ITPRID2: variants seen among roughly 807,000 people sequenced by gnomAD.
The protein encoded by ITPRID2 is protein ITPRID2.
In ITPRID2, 60 loss-of-function variants were observed where a neutral mutation model predicts 124.3. The ratio of observed to expected loss-of-function variants is 0.48; its 90% CI spans 0.39 to 0.60. ITPRID2 has a LOEUF of 0.60. Among genes scored for constraint, ITPRID2 ranks in the 20% least tolerant of loss-of-function variants. The pLI is 0.00. For missense variants in ITPRID2, 1,553 were observed against 1,512.2 expected, an observed-to-expected ratio of 1.03 and a Z score of -0.45; for synonymous variants, 521 against 542.9, an observed-to-expected ratio of 0.96 and a Z score of 0.56.
Position 181,928,483 on chromosome 2 carries a change from T to TA in ITPRID2, c.*13+206dup, listed in dbSNP as rs368101595. ...CCCATAATACAAATCTCCAAGGAAT[T>TA]ACTTATATTGGGTCATTCTACTGAA... On this transcript the variant is annotated intron_variant, in intron 17 of 17. Coordinates refer to ENST00000431877, the MANE Select transcript of ITPRID2 (RefSeq NM_001130445.3). Among the ~76,000 whole-genome samples, 6 of 152,346 alleles carry TA rather than the reference T, an allele frequency of 3.9e-5. 1 individual carries two copies. Among genetic ancestry groups the TA allele is most frequent in the African/African-American group, 1.2e-4 (5 of 41,570 alleles).
In ITPRID2 at chr2:181,905,087, A is replaced by G. The variant is rs1693000761; in HGVS notation, c.1413+2621A>G. ...TTTTTTTTTTGAGACGGAGTCGCGCATTGTCACCCGGGAGTGCAGTGGTGC... is the reference window on the plus strand; with the variant it reads ...TTTTTTTTTTGAGACGGAGTCGCGCGTTGTCACCCGGGAGTGCAGTGGTGC... On this transcript the variant is annotated intron_variant, in intron 8 of 17. Coordinates refer to ENST00000431877, the MANE Select transcript of ITPRID2 (RefSeq NM_001130445.3). This position sits in a 1 kb window ranked among gnomAD's most constrained non-coding sequence, Gnocchi z 4.1. Among the ~76,000 whole-genome samples the G allele has an allele frequency of 6.9e-6, 1 of 145,694 alleles. No individual in the cohort carries two copies. Among genetic ancestry groups the G allele is most frequent in the South Asian group, 2.2e-4 (1 of 4,636 alleles).
At chr2:181,894,379 C>T (rs928437159) in intron 2 of ITPRID2, 1 of 152,198 alleles carries the variant, frequency 6.6e-6, no homozygotes, top group Non-Finnish European at 1.5e-5. Context: ...CTCCTTCTCT[C>T]ATGGATTACC....
Position 181,892,115 on chromosome 2 carries a change from TGG to T in ITPRID2, c.50_51del (p.Trp17SerfsTer78). 1 of 1,558,310 alleles carries T rather than the reference TGG, an allele frequency of 6.4e-7. No homozygotes were observed. The highest frequency in any genetic ancestry group is 8.7e-7 in the Non-Finnish European group (1 of 1,152,026). On this transcript the variant is annotated frameshift_variant, in exon 1 of 18. Transcript: ENST00000431877. LOFTEE classifies it high-confidence loss of function. This position sits in a 1 kb window ranked among gnomAD's most constrained non-coding sequence, Gnocchi z 5.2. ...GGCGGAGGCGGAGGAGGAACTGGAG[TGG>T]CAAGTGGCGAGTCGCAGGAGGAAGG... Reference protein sequence around the residue: ...SSAEAEEELEWQVASRRRKAW... With the variant: ...SSAEAEEELEXQVASRRRKAW...
At chr2:181,917,682 A>C (rs949698750) in intron 11 of ITPRID2, 1 of 152,530 alleles carries the variant, frequency 6.6e-6, no homozygotes, top group East Asian at 1.9e-4. Flanking sequence ...GTCTCTGACT[A>C]TCTCTCCAGC....
At chr2:181,918,571 T>A in intron 11 of ITPRID2, 27 bp from the exon 12 acceptor site, 1 of 1,612,396 alleles carries the variant, frequency 6.2e-7, no homozygotes, top group Non-Finnish European at 8.5e-7. Context: ...TAACATTGGT[T>A]TTAATCCTAC....
rs779384296 is a variant in ITPRID2, at chr2:181,901,786, G to A, written c.733G>A (p.Val245Met). 1 of 1,588,978 alleles carries A rather than the reference G, an allele frequency of 6.3e-7. No homozygotes were observed. The highest frequency in any genetic ancestry group is 2.2e-5 in the East Asian group (1 of 44,528). Residue 245 changes from valine (V) to methionine (M), a missense_variant, in exon 8 of 18, where the codon GTG (valine) becomes ATG (methionine). Val to Met is a conservative substitution (Grantham distance 21). Coordinates refer to ENST00000431877, the MANE Select transcript of ITPRID2 (RefSeq NM_001130445.3). ...ALTSRFRQIE[V>M]LTTVANAFSS... ...GGTAGGCCGTTTTCGTCAAATTGAA[G>A]TGCTTACTACTGTGGCCAATGCGTT...
intron 4 of ITPRID2, 118 bp downstream of exon 4, chr2:181,897,082 C>A (rs1197617985): frequency 2.4e-6 from 2 of 830,354 alleles, no homozygotes; most frequent in Admixed American, 4.1e-5. Flanking sequence ...TTGAAAATGG[C>A]TCAGGCATAT....
At position 181,916,115 on chromosome 2, in the gene ITPRID2, T is replaced by G. The variant is rs376425704; in HGVS notation, c.2475T>G (p.His825Gln). ...CGCCGCGGGTGGAGGAATGCCATCA[T>G]GGAAGGACTCCTACCTGTTCACGGC... is the stretch of plus-strand genomic sequence containing the variant. ...SEAPRVEECHHGRTPTCSRLA... is the reference protein window; with the variant it reads ...SEAPRVEECHQGRTPTCSRLA... The change falls in exon 11 of 18, where the codon CAT becomes CAG. Residue 825 changes from histidine to glutamine, a missense_variant. Physicochemically the swap from His to Gln is conservative, Grantham distance 24 (BLOSUM62 0). Transcript: ENST00000431877. The G allele has an allele frequency of 1.9e-6, 3 of 1,614,226 alleles. No homozygotes were observed. Among genetic ancestry groups the G allele is most frequent in the Non-Finnish European group, 2.5e-6 (3 of 1,180,036 alleles).
Position 181,910,721 on chromosome 2 carries a change from A to G in ITPRID2, c.1486+750A>G, listed in dbSNP as rs915641739. Reference sequence around the variant, plus strand: ...TCGTATGTATGTTCCTAGAATAGGAAATTACATGTTTGTTGTCTCCTGATC... The same window carrying G: ...TCGTATGTATGTTCCTAGAATAGGAGATTACATGTTTGTTGTCTCCTGATC... On this transcript the variant is annotated intron_variant, in intron 9 of 17. Coordinates refer to ENST00000431877, the MANE Select transcript of ITPRID2 (RefSeq NM_001130445.3). This position sits in a 1 kb window ranked among gnomAD's most constrained non-coding sequence, Gnocchi z 4.1. The G allele has an allele frequency of 8.2e-6, 5 of 607,570 alleles. No homozygotes were observed. Among genetic ancestry groups the G allele is most frequent in the Middle Eastern group, 2.6e-4 (1 of 3,870 alleles). The allele number at this position is 607,570 out of a possible 1,614,324, so 37.6% of individuals were successfully genotyped here.
At position 181,896,011 on chromosome 2, in the gene ITPRID2, T is replaced by C. The variant is rs756120531; in HGVS notation, c.258-19T>C. 1.1e-5 allele frequency: 18 copies of C among 1,611,194 alleles called. No homozygotes were observed. Among genetic ancestry groups the C allele is most frequent in the Non-Finnish European group, 1.4e-5 (17 of 1,177,662 alleles). Reference sequence around the variant, plus strand: ...TAGCCTTTCACAAGACTAAGGCTTATACGTTTATATGGTTTCAGTACACCT... The same window carrying C: ...TAGCCTTTCACAAGACTAAGGCTTACACGTTTATATGGTTTCAGTACACCT... On this transcript the variant is annotated intron_variant, in intron 2 of 17. Transcript: ENST00000431877. This position sits in a 1 kb window ranked among gnomAD's most constrained non-coding sequence, Gnocchi z 4.3.
intron 10 of ITPRID2, 26 bp downstream of exon 10, chr2:181,913,959 C>G: frequency 6.9e-7 from 1 of 1,446,448 alleles, no homozygotes; most frequent in Non-Finnish European, 9.7e-7. Flanking sequence ...CTAATAGGCA[C>G]TATGATTAAC....
chr2:181,928,880 C>A (rs538166454), intron 17 of ITPRID2, among the ~76,000 whole-genome samples: 1 of 152,130 alleles, frequency 6.6e-6, no homozygotes, highest in African/African-American at 2.4e-5. Flanking sequence ...CCCGCCTCGG[C>A]CTCCCAAAGT....
At chr2:181,898,859 G>T in intron 4 of ITPRID2, 21 bp from the exon 5 acceptor site, 1 of 1,577,084 alleles carries the variant, frequency 6.3e-7, no homozygotes. Context: ...TGTGCTCTAC[G>T]TTTATTGTTT....
Position 181,900,952 on chromosome 2 carries a change from C to T in ITPRID2, c.712+48C>T, listed in dbSNP as rs775606332. On this transcript the variant is annotated intron_variant, in intron 7 of 17. Transcript: ENST00000431877. ...ATATTATTTTCTTAAATTATAGCAT[C>T]TACAGCAAGATGGTCTTATTTTAAA... 1.5e-5 allele frequency: 21 copies of T among 1,402,678 alleles called. 1 individual carries two copies. The South Asian group carries it at 2.8e-4, about 19-fold the overall frequency. The allele number at this position is 1,402,678 out of a possible 1,614,324, so 86.9% of individuals were successfully genotyped here. A position where few individuals can be genotyped will look rare whatever the true frequency, so the allele number is the denominator to read the frequency against.
rs1430945233 is a variant in ITPRID2 at position 181,918,655 on chromosome 2, T to C, written c.2845T>C (p.Ser949Pro). 1.9e-6 allele frequency: 3 copies of C among 1,614,148 alleles called. No individual in the cohort carries two copies. The highest frequency in any genetic ancestry group is 2.2e-5 in the East Asian group (1 of 44,866). ...TGCTCCATATAGTACTCAGAAATCATCTGTTCTACCTCTTTATGAAGTAAG... is the reference window on the plus strand; with the variant it reads ...TGCTCCATATAGTACTCAGAAATCACCTGTTCTACCTCTTTATGAAGTAAG... ...AAAPYSTQKS[S>P]VLPLYENTFQ... Residue 949 changes from serine (S) to proline (P), a missense_variant, in exon 12 of 18, where the codon TCT (serine) becomes CCT (proline). Coordinates refer to ENST00000431877, the MANE Select transcript of ITPRID2 (RefSeq NM_001130445.3).
rs1454770140 is a variant in ITPRID2, at chr2:181,915,373, G to A, written c.1733G>A (p.Gly578Glu). 2 of 1,613,996 alleles carry A rather than the reference G, an allele frequency of 1.2e-6. No individual in the cohort carries two copies. Among genetic ancestry groups the A allele is most frequent in the Non-Finnish European group, 1.7e-6 (2 of 1,180,030 alleles). ...GAGTCTCTTGTCCCTCTTCAGAAGG[G>A]ACTAGAGAAGGCAGCAGCAGTTGCA... is the stretch of plus-strand genomic sequence containing the variant. ...EEESLVPLQK[G>E]LEKAAAVADK... The change falls in exon 11 of 18, where the codon GGA becomes GAA. Residue 578 changes from glycine to glutamate, a missense_variant. By Grantham distance (98) the Gly-to-Glu change is moderately conservative. Coordinates refer to ENST00000431877, the MANE Select transcript of ITPRID2 (RefSeq NM_001130445.3).
At chr2:181,899,882 A>G (rs1374332773) in intron 6 of ITPRID2, among the ~76,000 whole-genome samples, 3 of 152,226 alleles carry the variant, frequency 2.0e-5, no homozygotes, top group Admixed American at 1.3e-4. Context: ...CCGCACATAT[A>G]GTATATTAAA....
rs756550275 is a variant in ITPRID2 at position 181,902,977 on chromosome 2, G to C, written c.1413+511G>C. Among the ~76,000 whole-genome samples, 7 of 152,142 alleles carry C rather than the reference G, an allele frequency of 4.6e-5. No individual in the cohort carries two copies. Among genetic ancestry groups the C allele is most frequent in the Non-Finnish European group, 1.0e-4 (7 of 68,014 alleles). ...ATGAAGATATTACGTACCTGCATGG[G>C]GAGGATAGGGACCCTAGAATTAGCA... On this transcript the variant is annotated intron_variant, in intron 8 of 17. Coordinates refer to ENST00000431877, the MANE Select transcript of ITPRID2 (RefSeq NM_001130445.3). This position sits in a 1 kb window ranked among gnomAD's most constrained non-coding sequence, Gnocchi z 4.4.
chr2:181,924,281 TA>T (rs1015470077), intron 16 of ITPRID2, among the ~76,000 whole-genome samples: 5 of 152,210 alleles, frequency 3.3e-5, no homozygotes, highest in Non-Finnish European at 7.4e-5. Context: ...AGTTATAATT[TA>T]AAAAATTATG....
Sources: gnomAD v4.1 joint callset for allele counts (sites outside exome capture counted in the v4.1 genomes callset) on GRCh38, gnomAD v4.1.1 for gene constraint, Gnocchi (gnomAD v3.1) non-coding constraint, MANE v1.5 for transcripts, NCBI Gene and HGNC (gene_info 2026-07-23, HGNC 2026-07-21) for gene names.